CNTN4: variants seen among roughly 807,000 people sequenced by gnomAD.
CNTN4 encodes the protein contactin-4.
CNTN4 carries 77 observed loss-of-function variants against 122.5 expected under a neutral mutation model. The observed-to-expected ratio is 0.63, with a 90% CI of 0.52 to 0.76. CNTN4 has a LOEUF of 0.76. Ranked by LOEUF, CNTN4 falls within the 30% of genes least tolerant of loss-of-function variation. The pLI is 0.00. For synonymous variants in CNTN4, 512 were observed against 447.0 expected, an observed-to-expected ratio of 1.15 and a Z score of -1.83; for missense variants, 1,256 against 1,259.1, an observed-to-expected ratio of 1.00 and a Z score of 0.04.
chr3:3,013,807 T>G (rs1238590266), intron 14 of CNTN4, among the ~76,000 whole-genome samples: 2 of 152,162 alleles, frequency 1.3e-5, no homozygotes, highest in Non-Finnish European at 2.9e-5. Context: ...ATTGGTTTAT[T>G]CGATGCTGCA....
intron 3 of CNTN4, among the ~76,000 whole-genome samples, chr3:2,417,030 G>A (rs1402944261): frequency 6.6e-6 from 1 of 152,210 alleles, no homozygotes; most frequent in Non-Finnish European, 1.5e-5. Flanking sequence ...AACCTTCTCA[G>A]TGGAGAGCTG....
intron 3 of CNTN4, among the ~76,000 whole-genome samples, chr3:2,357,772 G>A (rs2044934010): frequency 6.6e-6 from 1 of 152,168 alleles, no homozygotes; most frequent in African/African-American, 2.4e-5. Flanking sequence ...ATATGATCCT[G>A]CAACACGTAA....
rs113542886 is a variant in CNTN4, at chr3:2,174,603, C to T, written c.-145+73964C>T. Among the ~76,000 whole-genome samples, 782 of 152,278 alleles carry T rather than the reference C, an allele frequency of 5.1e-3. 2 individuals are homozygous for T. Among genetic ancestry groups the T allele is most frequent in the African/African-American group, 0.017 (715 of 41,556 alleles). ...ATCTAATCATCTACCAAAGGCCTTA[C>T]CTCCTAATAGTATCTCTGATAGGCC... On this transcript the variant is annotated intron_variant, in intron 2 of 24. Coordinates refer to ENST00000418658, the MANE Select transcript of CNTN4 (RefSeq NM_175607.3).
At position 2,961,231 on chromosome 3, in the gene CNTN4, C is replaced by CAAAAAAAAAAAAAAAAAAAA. The variant is rs59790353; in HGVS notation, c.1359-27095_1359-27094insAAAAAAAAAAAAAAAAAAAA. ...GGCGACAGAACGAGACTCCATCTCA[C>CAAAAAAAAAAAAAAAAAAAA]AAAAAAAAAAAAAAAAAAAGGCCTA... On this transcript the variant is annotated intron_variant, in intron 13 of 24. Transcript: ENST00000418658. Among the ~76,000 whole-genome samples, 15 of 37,240 alleles carry CAAAAAAAAAAAAAAAAAAAA rather than the reference C, an allele frequency of 4.0e-4. No homozygotes were observed. In the East Asian group the frequency reaches 4.8e-3, roughly 12 times the overall value. 24.4% of individuals were successfully genotyped at this position (37,240 alleles called of 152,430 possible).
chr3:2,926,920 C>T (rs1227328552), intron 13 of CNTN4, among the ~76,000 whole-genome samples: 1 of 152,136 alleles, frequency 6.6e-6, no homozygotes, highest in East Asian at 1.9e-4. Flanking sequence ...GTAGCCAAAC[C>T]TGAAAATCAA....
chr3:2,843,606 C>T (rs2093403214), intron 7 of CNTN4, among the ~76,000 whole-genome samples: 1 of 152,174 alleles, frequency 6.6e-6, no homozygotes, highest in Non-Finnish European at 1.5e-5. Flanking sequence ...GTCCTCACAA[C>T]AGTGAGTTCT....
intron 14 of CNTN4, among the ~76,000 whole-genome samples, chr3:3,013,374 A>G (rs1383815639): frequency 6.6e-6 from 1 of 152,168 alleles, no homozygotes; most frequent in Non-Finnish European, 1.5e-5. Context: ...AAGCTAGGTT[A>G]GTATCAGAGA....
Position 3,057,080 on chromosome 3 carries a change from C to G in CNTN4, c.*860C>G, listed in dbSNP as rs1701849497. On this transcript the variant is annotated 3_prime_UTR_variant, in exon 25 of 25. Transcript: ENST00000418658. ...TAGACCCAAAGTTACTATAGTCAAC[C>G]AAGTCTTTCAAAGGATAAAAGATCA... The G allele has an allele frequency of 6.6e-6, 1 of 152,570 alleles. No individual in the cohort carries two copies. The highest frequency in any genetic ancestry group is 2.1e-4 in the South Asian group (1 of 4,822). The allele number at this position is 152,570 out of a possible 1,614,324, so 9.5% of individuals were successfully genotyped here.
At chr3:2,357,520 C>T (rs961935461) in intron 3 of CNTN4, among the ~76,000 whole-genome samples, 1 of 152,158 alleles carries the variant, frequency 6.6e-6, no homozygotes, top group Admixed American at 6.5e-5. Flanking sequence ...TAAACATAAA[C>T]ATACACAGAA....
chr3:2,402,217 A>G (rs368994448), intron 3 of CNTN4, among the ~76,000 whole-genome samples: 21 of 152,176 alleles, frequency 1.4e-4, no homozygotes, highest in East Asian at 7.7e-4. Flanking sequence ...TATCCCCAAC[A>G]TGCAGTCTAA....
chr3:2,206,166 G>A (rs529054842), intron 2 of CNTN4, among the ~76,000 whole-genome samples: 11 of 152,026 alleles, frequency 7.2e-5, no homozygotes, highest in African/African-American at 9.6e-5. Context: ...GCTATTTTGA[G>A]GTAAAACGAG....
chr3:2,547,861 A>G (rs2078313374), intron 3 of CNTN4, among the ~76,000 whole-genome samples: 1 of 152,126 alleles, frequency 6.6e-6, no homozygotes, highest in African/African-American at 2.4e-5. Context: ...ACAGATCCCC[A>G]GGAAATTATT....
intron 3 of CNTN4, among the ~76,000 whole-genome samples, chr3:2,381,543 G>A (rs2046022908): frequency 6.6e-6 from 1 of 152,062 alleles, no homozygotes; most frequent in African/African-American, 2.4e-5. Context: ...TAAATCTGAA[G>A]TCAAAAGATA....
chr3:2,565,490 A>T (rs554191074), intron 3 of CNTN4, among the ~76,000 whole-genome samples: 2 of 152,202 alleles, frequency 1.3e-5, no homozygotes, highest in East Asian at 3.9e-4. Flanking sequence ...AGAAGAACCT[A>T]TAGGCTAGCT....
At chr3:2,316,811 T>A (rs1280544928) in intron 2 of CNTN4, among the ~76,000 whole-genome samples, 1 of 152,194 alleles carries the variant, frequency 6.6e-6, no homozygotes, top group Non-Finnish European at 1.5e-5. Flanking sequence ...AATGTACACA[T>A]TACAGTTGCC....
At chr3:2,177,646 GTGTGTGTGTT>G (rs1167875906) in intron 2 of CNTN4, among the ~76,000 whole-genome samples, 6 of 122,530 alleles carry the variant, frequency 4.9e-5, no homozygotes, top group Non-Finnish European at 1.0e-4. Context: ...CAATGGGATT[GTGTGTGTGTT>G]TGTGTGTGTG....
At chr3:2,705,371 A>G (rs2086602318) in intron 4 of CNTN4, among the ~76,000 whole-genome samples, 2 of 140,484 alleles carry the variant, frequency 1.4e-5, no homozygotes, top group South Asian at 4.3e-4. Context: ...CCGTCTCAAA[A>G]AAAAAAAAAA....
At chr3:2,493,840 T>G (rs932202305) in intron 3 of CNTN4, among the ~76,000 whole-genome samples, 1 of 152,142 alleles carries the variant, frequency 6.6e-6, no homozygotes, top group Non-Finnish European at 1.5e-5. Flanking sequence ...TGTCATCCTC[T>G]TGTTCCTTCT....
chr3:2,270,591 AT>A (rs2041254219), intron 2 of CNTN4, among the ~76,000 whole-genome samples: 1 of 152,152 alleles, frequency 6.6e-6, no homozygotes, highest in Non-Finnish European at 1.5e-5. Context: ...ATTGCCTAAA[AT>A]ATCTGTTAAT....
Sources: gnomAD v4.1 joint callset for allele counts (sites outside exome capture counted in the v4.1 genomes callset) on GRCh38, gnomAD v4.1.1 for gene constraint, MANE v1.5 for transcripts, NCBI Gene and HGNC (gene_info 2026-07-23, HGNC 2026-07-21) for gene names.